Variants in GRIA4 observed in about 807,000 individuals in gnomAD.
GRIA4 encodes the protein glutamate ionotropic receptor AMPA type subunit 4, also known as glutamate receptor 4.
A neutral mutation model predicts 104.0 loss-of-function variants in GRIA4; 34 were observed. The ratio of observed to expected loss-of-function variants is 0.33; its 90% CI spans 0.25 to 0.44. The LOEUF (loss-of-function observed/expected upper bound fraction) is 0.44. Ranked by LOEUF, GRIA4 falls within the 20% of genes least tolerant of loss-of-function variation. The pLI is 1.00. For synonymous variants in GRIA4, 386 were observed against 381.9 expected (o/e 1.01, Z -0.13); for missense variants, 750 against 1,096.5 (o/e 0.68, Z 4.46).
intron 3 of GRIA4, among the ~76,000 whole-genome samples, chr11:105,735,441 T>C (rs115742518): frequency 0.014 from 2,157 of 152,212 alleles, 50 homozygotes; most frequent in African/African-American, 0.049. Context: ...TTCATCCTAC[T>C]CTCTGGGTGC....
At position 105,918,907 on chromosome 11, in the gene GRIA4, C is replaced by A; in HGVS notation, c.1465C>A (p.Leu489Ile). The A allele has an allele frequency of 6.3e-7, 1 of 1,593,728 alleles. No homozygotes were observed. The highest frequency in any genetic ancestry group is 1.7e-4 in the Middle Eastern group (1 of 6,002). The change falls in exon 11 of 17, where the codon CTT becomes ATT. Residue 489 changes from leucine to isoleucine, a missense_variant. Transcript: ENST00000282499. ...AATCTGGAATGGGATGGTAGGAGAA[C>A]TTGTTTATGGGGTAAGCAAATCAAC... ...TKIWNGMVGE[L>I]VYGKAEIAIA...
intron 3 of GRIA4, among the ~76,000 whole-genome samples, chr11:105,694,041 A>G (rs1263488125): frequency 6.6e-6 from 1 of 152,206 alleles, no homozygotes; most frequent in Non-Finnish European, 1.5e-5. Context: ...ATTTTGCACG[A>G]ACCACCAGTA....
In GRIA4 at chr11:105,972,046, G is replaced by A. The variant is rs946963266; in HGVS notation, c.2409+18G>A. 3.8e-5 allele frequency: 56 copies of A among 1,464,028 alleles called. No individual in the cohort carries two copies. Among genetic ancestry groups the A allele is most frequent in the Non-Finnish European group, 4.8e-5 (50 of 1,045,030 alleles). 90.7% of individuals were successfully genotyped at this position (1,464,028 alleles called of 1,614,324 possible). The stretch of plus-strand genomic sequence containing the variant: ...GAAGCAAGGTCAGTCGCTGCAGTTC[G>A]GGGCCTCCTCTTGTGTTCACAAAGC... On this transcript the variant is annotated intron_variant, in intron 15 of 16. Transcript: ENST00000282499.
chr11:105,676,196 A>T (rs2135452043), intron 3 of GRIA4, among the ~76,000 whole-genome samples: 1 of 151,896 alleles, frequency 6.6e-6, no homozygotes, highest in South Asian at 2.1e-4. Flanking sequence ...ATGGATATAT[A>T]AATTACTATA....
chr11:105,740,856 A>T (rs191226489), intron 3 of GRIA4, among the ~76,000 whole-genome samples: 1 of 152,296 alleles, frequency 6.6e-6, no homozygotes, highest in Non-Finnish European at 1.5e-5. Flanking sequence ...TAAGCGGTGC[A>T]GTGTTAGGTG....
At chr11:105,955,798 T>C (rs1948572681) in intron 14 of GRIA4, among the ~76,000 whole-genome samples, 1 of 152,198 alleles carries the variant, frequency 6.6e-6, no homozygotes, top group Admixed American at 6.5e-5. Context: ...CCTGATTTTT[T>C]AAAAATCACC....
chr11:105,851,622 G>A (rs1367638025), intron 4 of GRIA4, among the ~76,000 whole-genome samples: 1 of 152,154 alleles, frequency 6.6e-6, no homozygotes, highest in Non-Finnish European at 1.5e-5. Flanking sequence ...AGGGCATACA[G>A]ACTCTCTTAG....
intron 5 of GRIA4, among the ~76,000 whole-genome samples, chr11:105,865,588 T>A (rs1156514009): frequency 1.3e-5 from 2 of 152,188 alleles, no homozygotes; most frequent in African/African-American, 4.8e-5. Flanking sequence ...AATAGCTTCA[T>A]GTAGCTGGAA....
intron 4 of GRIA4, among the ~76,000 whole-genome samples, chr11:105,783,915 A>G (rs1941843636): frequency 6.6e-6 from 1 of 152,150 alleles, no homozygotes; most frequent in Admixed American, 6.5e-5. Context: ...CTGCATTGAA[A>G]CAGATGAATC....
intron 4 of GRIA4, among the ~76,000 whole-genome samples, chr11:105,758,389 T>C (rs566004448): frequency 9.9e-5 from 15 of 152,282 alleles, no homozygotes; most frequent in African/African-American, 3.4e-4. Flanking sequence ...TATAATAGTT[T>C]AGAAATTTTC....
intron 4 of GRIA4, among the ~76,000 whole-genome samples, chr11:105,840,721 T>C (rs1944361891): frequency 6.6e-6 from 1 of 152,190 alleles, no homozygotes; most frequent in Non-Finnish European, 1.5e-5. Context: ...AAACTTAAAA[T>C]AGTACAAACA....
At chr11:105,802,102 T>A (rs1020943399) in intron 4 of GRIA4, among the ~76,000 whole-genome samples, 14 of 152,012 alleles carry the variant, frequency 9.2e-5, no homozygotes, top group African/African-American at 3.4e-4. Context: ...TCAAAGAGAC[T>A]CATCAGTTTA....
At chr11:105,853,509 G>C (rs1466265298) in intron 4 of GRIA4, among the ~76,000 whole-genome samples, 1 of 152,088 alleles carries the variant, frequency 6.6e-6, no homozygotes, top group Non-Finnish European at 1.5e-5. Context: ...ATTCTTTCAG[G>C]ACCAAAATGT....
intron 3 of GRIA4, chr11:105,612,904 AAG>A (rs1392392791): frequency 6.5e-6 from 1 of 154,850 alleles, no homozygotes; most frequent in African/African-American, 2.4e-5. Context: ...TAGTGAGAAA[AAG>A]AGGGGAGTGG....
At chr11:105,764,897 G>A (rs1289438194) in intron 4 of GRIA4, among the ~76,000 whole-genome samples, 1 of 151,886 alleles carries the variant, frequency 6.6e-6, no homozygotes, top group Admixed American at 6.6e-5. Context: ...TAAAAACATG[G>A]GAACAAGGTA....
chr11:105,616,313 A>G (rs1950598914), intron 3 of GRIA4, among the ~76,000 whole-genome samples: 1 of 151,720 alleles, frequency 6.6e-6, no homozygotes, highest in South Asian at 2.1e-4. Flanking sequence ...AGTAATGATG[A>G]AAAAGTTTCT....
intron 4 of GRIA4, among the ~76,000 whole-genome samples, chr11:105,847,299 C>A (rs952424121): frequency 1.3e-5 from 2 of 152,176 alleles, no homozygotes; most frequent in Admixed American, 1.3e-4. Flanking sequence ...GGAGGTGGAG[C>A]TCAGGCAGTA....
chr11:105,748,871 C>A (rs942535123), intron 3 of GRIA4, among the ~76,000 whole-genome samples: 1 of 152,088 alleles, frequency 6.6e-6, no homozygotes, highest in African/African-American at 2.4e-5. Flanking sequence ...AGGCAAAAGA[C>A]AATTAGGTAC....
intron 3 of GRIA4, among the ~76,000 whole-genome samples, chr11:105,680,652 T>TA (rs894532366): frequency 1.3e-5 from 2 of 152,048 alleles, no homozygotes; most frequent in Non-Finnish European, 2.9e-5. Flanking sequence ...CTGTGCTTTT[T>TA]AAAAAAATAT....
Sources: gnomAD v4.1 joint callset for allele counts (sites outside exome capture counted in the v4.1 genomes callset) on GRCh38, gnomAD v4.1.1 for gene constraint, MANE v1.5 for transcripts, NCBI Gene and HGNC (gene_info 2026-07-23, HGNC 2026-07-21) for gene names.